HMCN1: variants seen among roughly 807,000 people sequenced by gnomAD.
The protein encoded by HMCN1 is hemicentin 1, also known as hemicentin-1.
A neutral mutation model predicts 625.9 loss-of-function variants in HMCN1; 321 were observed. The observed-to-expected ratio is 0.51, with a 90% CI of 0.47 to 0.56. The LOEUF is 0.56. Among genes scored for constraint, HMCN1 ranks in the 20% least tolerant of loss-of-function variants. The probability of loss-of-function intolerance (pLI) is 0.00; values close to 1 mark genes in which losing one functional copy is unlikely to be tolerated. For missense variants in HMCN1, 6,588 were observed against 6,887.3 expected, an observed-to-expected ratio of 0.96 and a Z score of 1.54; for synonymous variants, 2,425 against 2,417.6, an observed-to-expected ratio of 1.00 and a Z score of -0.09.
intron 84 of HMCN1, 125 bp downstream of exon 84, chr1:186,130,225 A>G: frequency 7.7e-7 from 1 of 1,300,272 alleles, no homozygotes; most frequent in Middle Eastern, 2.1e-4. Flanking sequence ...CCTATTTCAC[A>G]GATGTACAAA....
At chr1:186,014,815 C>A (rs1366026658) in intron 30 of HMCN1, among the ~76,000 whole-genome samples, 3 of 152,054 alleles carry the variant, frequency 2.0e-5, no homozygotes, top group Non-Finnish European at 2.9e-5. Flanking sequence ...GCTCCCTTGG[C>A]CTGATTTGAA....
chr1:185,767,995 A>G (rs1220716365), intron 1 of HMCN1, among the ~76,000 whole-genome samples: 1 of 152,224 alleles, frequency 6.6e-6, no homozygotes, highest in Non-Finnish European at 1.5e-5. Context: ...TGCAATATTA[A>G]TGTTAATAGC....
intron 2 of HMCN1, among the ~76,000 whole-genome samples, chr1:185,858,359 C>T (rs1282104608): frequency 6.6e-6 from 1 of 151,942 alleles, no homozygotes; most frequent in Non-Finnish European, 1.5e-5. Flanking sequence ...TATGATTTTA[C>T]ATTTCTTCTA....
intron 86 of HMCN1, 108 bp from the exon 87 acceptor site, chr1:186,136,560 A>C (rs1649616337): frequency 2.0e-6 from 2 of 1,012,788 alleles, no homozygotes; most frequent in East Asian, 4.8e-5. Flanking sequence ...ACAGTGTTTT[A>C]TAAACAAATC....
rs373398072 is a variant in HMCN1 at position 186,108,450 on chromosome 1, C to T, written c.10853-11C>T. The T allele has an allele frequency of 7.4e-6, 12 of 1,613,850 alleles. No individual in the cohort carries two copies. The African/African-American group carries it at 1.6e-4, about 22-fold the overall frequency. On this transcript the variant is annotated splice_polypyrimidine_tract_variant and intron_variant, in intron 70 of 106. Transcript: ENST00000271588. ...ACAGATTGCTTTTGTTGTATTTGTT[C>T]TCACACCCAGTACCTCCTAATATTG...
At position 186,049,637 on chromosome 1, in the gene HMCN1, A is replaced by G. The variant is rs1468977983; in HGVS notation, c.6577+798A>G. On this transcript the variant is annotated intron_variant, in intron 42 of 106. Coordinates refer to ENST00000271588, the MANE Select transcript of HMCN1 (RefSeq NM_031935.3). ...CATACTTTAAAAAACTTATAACTTA[A>G]TAAGCCCTCTTCATTTTGATTGTAT... is the stretch of plus-strand genomic sequence containing the variant. Among the ~76,000 whole-genome samples, 7 of 152,084 alleles carry G rather than the reference A, an allele frequency of 4.6e-5. No individual in the cohort carries two copies. The South Asian group carries it at 6.2e-4, about 13-fold the overall frequency.
At chr1:185,858,226 A>G (rs757151768) in intron 2 of HMCN1, among the ~76,000 whole-genome samples, 93 of 152,318 alleles carry the variant, frequency 6.1e-4, no homozygotes, top group Non-Finnish European at 1.1e-3. Context: ...CAGAGTAGAC[A>G]TTTATTGAAT....
chr1:185,901,425 A>G (rs529667018), intron 4 of HMCN1, among the ~76,000 whole-genome samples: 5 of 151,800 alleles, frequency 3.3e-5, no homozygotes, highest in African/African-American at 7.2e-5. Flanking sequence ...AATTCACCAC[A>G]TGTTATAATG....
chr1:186,062,574 G>A lies in HMCN1; in HGVS notation c.7487G>A (p.Ser2496Asn), dbSNP rs1431482446. Reference sequence around the variant, plus strand: ...GATGTGAAGGTAAAAGAGAAACAGAGTGTTACGCTGACTTGTGAAGTGACA... The same window carrying A: ...GATGTGAAGGTAAAAGAGAAACAGAATGTTACGCTGACTTGTGAAGTGACA... ...LEDVKVKEKQSVTLTCEVTGN... is the reference protein window; with the variant it reads ...LEDVKVKEKQNVTLTCEVTGN... The change falls in exon 48 of 107, where the codon AGT (serine) becomes AAT (asparagine). Residue 2496 changes from serine to asparagine, a missense_variant. Physicochemically the swap from Ser to Asn is conservative, Grantham distance 46. Transcript: ENST00000271588. The A allele has an allele frequency of 1.9e-6, 3 of 1,612,622 alleles. No individual in the cohort carries two copies. Among genetic ancestry groups the A allele is most frequent in the Admixed American group, 1.7e-5 (1 of 59,990 alleles).
chr1:185,946,612 A>G (rs1047280802), intron 11 of HMCN1, among the ~76,000 whole-genome samples: 1 of 152,194 alleles, frequency 6.6e-6, no homozygotes, highest in African/African-American at 2.4e-5. Flanking sequence ...GCTTGTCATC[A>G]TTTAGTTGAA....
At chr1:186,070,914 A>G (rs984913662) in intron 52 of HMCN1, among the ~76,000 whole-genome samples, 157 bp downstream of exon 52, 6 of 152,092 alleles carry the variant, frequency 3.9e-5, no homozygotes, top group Non-Finnish European at 5.9e-5. Context: ...TAAAAAAAAA[A>G]CCCAACCAAC....
chr1:186,063,451 AAG>A (rs1384297126), intron 48 of HMCN1, among the ~76,000 whole-genome samples: 608 of 6,794 alleles, frequency 0.089, 3 homozygotes, highest in African/African-American at 0.14. Context: ...ACGGAGAGAG[AAG>A]GAAGGAAGGA....
intron 71 of HMCN1, among the ~76,000 whole-genome samples, chr1:186,111,819 G>A (rs1176147622): frequency 6.6e-6 from 1 of 152,050 alleles, no homozygotes; most frequent in South Asian, 2.1e-4. Flanking sequence ...AGAAATGAAA[G>A]GAATAGAGAA....
At chr1:186,067,168 G>GC (rs962576455) in intron 49 of HMCN1, among the ~76,000 whole-genome samples, 8 of 152,040 alleles carry the variant, frequency 5.3e-5, no homozygotes, top group Non-Finnish European at 1.0e-4. Flanking sequence ...GTTTCCTTTA[G>GC]CCCCCCAGTT....
At chr1:186,054,208 G>A (rs1440426730) in intron 44 of HMCN1, among the ~76,000 whole-genome samples, 1 of 151,972 alleles carries the variant, frequency 6.6e-6, no homozygotes, top group Non-Finnish European at 1.5e-5. Flanking sequence ...GCTCACCAAT[G>A]ACAGACACAT....
chr1:185,964,769 T>C (rs575090461), intron 13 of HMCN1, among the ~76,000 whole-genome samples: 1 of 152,024 alleles, frequency 6.6e-6, no homozygotes, highest in Admixed American at 6.6e-5. Context: ...GAGACAGGAT[T>C]TAGGCTCAGT....
intron 102 of HMCN1, among the ~76,000 whole-genome samples, chr1:186,173,640 CAAAAAAA>C (rs762258823): frequency 4.0e-5 from 3 of 74,700 alleles, no homozygotes; most frequent in Middle Eastern, 6.4e-3. Context: ...GACTCCATCT[CAAAAAAA>C]AAAAAAAAGA....
intron 102 of HMCN1, among the ~76,000 whole-genome samples, chr1:186,172,363 A>G (rs1037041437): frequency 1.3e-5 from 2 of 152,228 alleles, no homozygotes; most frequent in Admixed American, 6.5e-5. Context: ...GCTCCCATCA[A>G]TTAAACATTT....
chr1:186,067,951 C>A lies in HMCN1; in HGVS notation c.7823C>A (p.Thr2608Asn). The A allele has an allele frequency of 1.2e-6, 2 of 1,613,658 alleles. No individual in the cohort carries two copies. The highest frequency in any genetic ancestry group is 1.7e-6 in the Non-Finnish European group (2 of 1,179,630). ...EAYSYPPATI[T>N]WFKDGTPLES... is the part of the protein sequence containing the mutation. ...TATTCATATCCTCCAGCTACCATCA[C>A]CTGGTTTAAGGATGGCACTCCTTTA... The change falls in exon 50 of 107, where the codon ACC becomes AAC. Residue 2608 changes from threonine to asparagine, a missense_variant. By Grantham distance (65) the Thr-to-Asn change is moderately conservative. This residue lies in a region of HMCN1 where 4,628 missense variants were observed against 4,853.1 expected (regional missense o/e 0.95). Coordinates refer to ENST00000271588, the MANE Select transcript of HMCN1 (RefSeq NM_031935.3).
Sources: gnomAD v4.1 joint callset for allele counts (sites outside exome capture counted in the v4.1 genomes callset) on GRCh38, gnomAD v4.1.1 for gene constraint, gnomAD v4.1.1 regional missense constraint, MANE v1.5 for transcripts, NCBI Gene and HGNC (gene_info 2026-07-23, HGNC 2026-07-21) for gene names.